Variants in ARHGEF28 observed in about 807,000 individuals in gnomAD.
ARHGEF28 encodes the protein Rho guanine nucleotide exchange factor 28.
ARHGEF28 carries 152 observed loss-of-function variants against 206.6 expected under a neutral mutation model. The observed-to-expected ratio is 0.74, with a 90% CI of 0.64 to 0.84. The LOEUF (loss-of-function observed/expected upper bound fraction) is 0.84. Among genes scored for constraint, ARHGEF28 ranks in the 40% least tolerant of loss-of-function variants. ARHGEF28 has a pLI of 0.00. For missense variants in ARHGEF28, 2,028 were observed against 2,073.2 expected, an observed-to-expected ratio of 0.98 and a Z score of 0.42; for synonymous variants, 763 against 776.4, an observed-to-expected ratio of 0.98 and a Z score of 0.29.
intron 2 of ARHGEF28, among the ~76,000 whole-genome samples, chr5:73,731,762 G>A (rs73762188): frequency 0.029 from 4,373 of 152,256 alleles, 192 homozygotes; most frequent in African/African-American, 0.1. Context: ...AGTGTCAGAA[G>A]TATGGTAAAT....
intron 4 of ARHGEF28, among the ~76,000 whole-genome samples, chr5:73,764,039 C>G (rs1255627730): frequency 1.3e-5 from 2 of 152,172 alleles, no homozygotes; most frequent in Non-Finnish European, 2.9e-5. Context: ...CTTAGTCCCC[C>G]CAATACTGGC....
At chr5:73,843,940 TATAAA>T (rs1462633637) in intron 11 of ARHGEF28, among the ~76,000 whole-genome samples, 30 of 152,188 alleles carry the variant, frequency 2.0e-4, no homozygotes, top group African/African-American at 6.8e-4. Flanking sequence ...AGTGAAGTCT[TATAAA>T]ATGATTTGTG....
rs904633282 is a variant in ARHGEF28 at position 73,894,605 on chromosome 5, A to G, written c.3841+30A>G. ...ACTGCTGTGAGAAGGGTTTGGGTCG[A>G]CACGTTCAGAAAATGTTTATTGAAC... On this transcript the variant is annotated intron_variant, in intron 29 of 35. Transcript: ENST00000513042. 2.5e-6 allele frequency: 4 copies of G among 1,604,810 alleles called. No homozygotes were observed. The East Asian group carries it at 6.7e-5, about 27-fold the overall frequency.
At chr5:73,889,352 T>TA (rs1761491039) in intron 26 of ARHGEF28, among the ~76,000 whole-genome samples, 1 of 152,250 alleles carries the variant, frequency 6.6e-6, no homozygotes, top group Non-Finnish European at 1.5e-5. Context: ...AGTGGGTCCC[T>TA]ACAAGACAGT....
chr5:73,741,323 T>G, intron 2 of ARHGEF28, among the ~76,000 whole-genome samples: 1 of 141,782 alleles, frequency 7.1e-6, no homozygotes. Flanking sequence ...GTGAAAGTCG[T>G]CTAGATTTTA....
At chr5:73,793,003 G>A (rs1754577630) in intron 7 of ARHGEF28, among the ~76,000 whole-genome samples, 2 of 152,158 alleles carry the variant, frequency 1.3e-5, no homozygotes. Flanking sequence ...CCTGGGCTGG[G>A]TGTCCACTAT....
intron 1 of ARHGEF28, among the ~76,000 whole-genome samples, chr5:73,639,629 A>G (rs1331443162): frequency 6.6e-6 from 1 of 152,152 alleles, no homozygotes; most frequent in Non-Finnish European, 1.5e-5. Flanking sequence ...TCTAATAATG[A>G]AAAATAAGTG....
chr5:73,657,730 A>C (rs1580449094), intron 1 of ARHGEF28, among the ~76,000 whole-genome samples: 1 of 152,176 alleles, frequency 6.6e-6, no homozygotes, highest in African/African-American at 2.4e-5. Flanking sequence ...CTCATCAAAG[A>C]CTTAGGCTGA....
At chr5:73,730,947 A>G (rs983293208) in intron 2 of ARHGEF28, among the ~76,000 whole-genome samples, 1 of 150,974 alleles carries the variant, frequency 6.6e-6, no homozygotes, top group Non-Finnish European at 1.5e-5. Flanking sequence ...GTACTGAGCT[A>G]GATTTTTTTT....
At chr5:73,712,361 T>C (rs1337535785) in intron 2 of ARHGEF28, among the ~76,000 whole-genome samples, 3 of 152,198 alleles carry the variant, frequency 2.0e-5, no homozygotes, top group Non-Finnish European at 2.9e-5. Flanking sequence ...GGGAATAAAA[T>C]GGTAAATAAT....
chr5:73,872,669 AG>A (rs1760179485), intron 21 of ARHGEF28, among the ~76,000 whole-genome samples: 1 of 152,226 alleles, frequency 6.6e-6, no homozygotes, highest in Non-Finnish European at 1.5e-5. Context: ...TGTATTTCAT[AG>A]GGCATTCAGG....
chr5:73,788,785 G>T (rs924561687), intron 7 of ARHGEF28, among the ~76,000 whole-genome samples: 2 of 152,136 alleles, frequency 1.3e-5, no homozygotes, highest in African/African-American at 4.8e-5. Flanking sequence ...GACTCATGCA[G>T]TTCAAACCCG....
Position 73,700,588 on chromosome 5 carries a change from A to G in ARHGEF28, c.33+15704A>G, listed in dbSNP as rs1458559330. Among the ~76,000 whole-genome samples, 6 of 152,334 alleles carry G rather than the reference A, an allele frequency of 3.9e-5. No individual in the cohort carries two copies. The East Asian group carries it at 1.2e-3, about 29-fold the overall frequency. On this transcript the variant is annotated intron_variant, in intron 2 of 35. Coordinates refer to ENST00000513042, the MANE Select transcript of ARHGEF28 (RefSeq NM_001177693.2). ...GCACAGTTGGGTGACTATGGTTAACAGTAAAGTATCGTATATTACAAAAGA... is the reference window on the plus strand; with the variant it reads ...GCACAGTTGGGTGACTATGGTTAACGGTAAAGTATCGTATATTACAAAAGA...
chr5:73,774,077 T>C (rs767917066), intron 5 of ARHGEF28, 39 bp downstream of exon 5: 2 of 1,510,018 alleles, frequency 1.3e-6, no homozygotes, highest in Non-Finnish European at 1.8e-6. Context: ...CTTATTTGTA[T>C]AAAGTCGGCC....
At chr5:73,745,173 T>A (rs1292507641) in intron 2 of ARHGEF28, among the ~76,000 whole-genome samples, 1 of 152,052 alleles carries the variant, frequency 6.6e-6, no homozygotes, top group Non-Finnish European at 1.5e-5. Context: ...AGCATTGTTA[T>A]TAACGAAGTG....
intron 2 of ARHGEF28, among the ~76,000 whole-genome samples, chr5:73,721,349 C>T (rs1023319861): frequency 1.3e-5 from 2 of 152,146 alleles, no homozygotes; most frequent in Non-Finnish European, 1.5e-5. Flanking sequence ...GAGTCACTGC[C>T]TACATGAACC....
In ARHGEF28 at chr5:73,887,586, A is replaced by C; in HGVS notation, c.3311-17A>C. 6.5e-7 allele frequency: 1 copy of C among 1,532,708 alleles called. No individual in the cohort carries two copies. The allele number at this position is 1,532,708 out of a possible 1,614,324, so 94.9% of individuals were successfully genotyped here. ...GTGGTTTGCTTCATTAATACTAGTA[A>C]TGTTTTTTCTTTAAAGATATCCTAG... On this transcript the variant is annotated splice_polypyrimidine_tract_variant and intron_variant, in intron 25 of 35. Coordinates refer to ENST00000513042, the MANE Select transcript of ARHGEF28 (RefSeq NM_001177693.2).
At chr5:73,805,127 G>T (rs1241294343) in intron 9 of ARHGEF28, among the ~76,000 whole-genome samples, 1 of 152,162 alleles carries the variant, frequency 6.6e-6, no homozygotes, top group African/African-American at 2.4e-5. Flanking sequence ...AAGTGTTCCA[G>T]TTTTGGTAGC....
At chr5:73,642,063 A>G (rs572291180) in intron 1 of ARHGEF28, among the ~76,000 whole-genome samples, 1 of 152,220 alleles carries the variant, frequency 6.6e-6, no homozygotes, top group African/African-American at 2.4e-5. Flanking sequence ...TGCTCTCATC[A>G]CTTTCCTTTG....
Sources: allele counts gnomAD v4.1 joint callset (sites outside exome capture counted in the v4.1 genomes callset), GRCh38; gene constraint gnomAD v4.1.1; transcripts MANE v1.5; gene names NCBI Gene and HGNC (gene_info 2026-07-23, HGNC 2026-07-21).